The following CSNK1G3 variants were observed in gnomAD, a reference collection of about 807,000 sequenced individuals.
CSNK1G3 encodes casein kinase 1 gamma 3.
CSNK1G3 carries 23 observed loss-of-function variants against 64.3 expected under a neutral mutation model. The ratio of observed to expected loss-of-function variants is 0.36; its 90% CI spans 0.26 to 0.51. The LOEUF is 0.51. Ranked by LOEUF, CSNK1G3 falls within the 20% of genes least tolerant of loss-of-function variation. The pLI, the probability that CSNK1G3 is intolerant of heterozygous loss-of-function variation, is 0.96. For missense variants in CSNK1G3, 357 were observed against 510.5 expected, an observed-to-expected ratio of 0.70 and a Z score of 2.90; for synonymous variants, 158 against 162.2, an observed-to-expected ratio of 0.97 and a Z score of 0.20.
At chr5:123,594,804 C>T (rs1006754656) in intron 10 of CSNK1G3, among the ~76,000 whole-genome samples, 1 of 152,006 alleles carries the variant, frequency 6.6e-6, no homozygotes, top group Non-Finnish European at 1.5e-5. Flanking sequence ...AGTATTTTTA[C>T]TTCTAAAATT....
At chr5:123,614,278 A>T in intron 12 of CSNK1G3, 64 bp from the exon 14 acceptor site, 2 of 1,498,646 alleles carry the variant, frequency 1.3e-6, no homozygotes, top group Non-Finnish European at 1.8e-6. Context: ...AGTTAAAGTG[A>T]TACAGTCAAC....
intron 1 of CSNK1G3, among the ~76,000 whole-genome samples, chr5:123,531,382 A>C (rs1232089869): frequency 6.6e-6 from 1 of 151,986 alleles, no homozygotes; most frequent in Non-Finnish European, 1.5e-5. Flanking sequence ...TCAAGTCCTA[A>C]ATTATTGGGC....
intron 4 of CSNK1G3, 51 bp downstream of exon 4, chr5:123,557,615 CTT>C (rs767556990): frequency 1.7e-6 from 2 of 1,186,160 alleles, no homozygotes; most frequent in Non-Finnish European, 2.4e-6. Context: ...ATTGTCATGA[CTT>C]TTTAGTTTCA....
At chr5:123,557,605 A>T (rs113119893) in intron 4 of CSNK1G3, 41 bp downstream of exon 4, 54 of 1,292,050 alleles carry the variant, frequency 4.2e-5, no homozygotes, top group Non-Finnish European at 5.8e-5. Flanking sequence ...AATAAAGTGG[A>T]TTGTCATGAC....
chr5:123,574,824 T>G (rs963970829), intron 5 of CSNK1G3, among the ~76,000 whole-genome samples: 1 of 152,068 alleles, frequency 6.6e-6, no homozygotes, highest in Non-Finnish European at 1.5e-5. Context: ...ACCCTGTCCC[T>G]GCCCCCACAC....
At chr5:123,573,850 AT>A (rs35902791) in intron 5 of CSNK1G3, among the ~76,000 whole-genome samples, 297 of 140,198 alleles carry the variant, frequency 2.1e-3, no homozygotes, top group Middle Eastern at 7.1e-3. Flanking sequence ...AGAAACATAG[AT>A]TTTTTTTTTT....
chr5:123,582,224 G>A (rs1010647801), intron 6 of CSNK1G3, among the ~76,000 whole-genome samples: 1 of 152,090 alleles, frequency 6.6e-6, no homozygotes, highest in African/African-American at 2.4e-5. Context: ...TGAGATATAA[G>A]AGTAGAATTT....
At chr5:123,614,464 C>G in exon 13 of CSNK1G3, 5 of 1,373,654 alleles carry the variant, frequency 3.6e-6, no homozygotes, top group Non-Finnish European at 5.0e-6. Context: ...TTAAAATCAT[C>G]TCTGTAGTGA....
intron 10 of CSNK1G3, among the ~76,000 whole-genome samples, chr5:123,600,901 G>GA (rs1384670878): frequency 1.4e-5 from 2 of 141,930 alleles, no homozygotes; most frequent in Non-Finnish European, 3.0e-5. Context: ...GAGTCTAGTT[G>GA]CCTTTTTTTT....
chr5:123,524,627 C>T (rs1460523588), intron 1 of CSNK1G3, among the ~76,000 whole-genome samples: 1 of 152,002 alleles, frequency 6.6e-6, no homozygotes, highest in Non-Finnish European at 1.5e-5. Context: ...CATTTCTTTT[C>T]CTCTTCCTCC....
intron 10 of CSNK1G3, among the ~76,000 whole-genome samples, chr5:123,593,985 G>T (rs1030335391): frequency 6.6e-6 from 1 of 152,026 alleles, no homozygotes; most frequent in Non-Finnish European, 1.5e-5. Context: ...TTTAATTTTC[G>T]TAAGGAGCTA....
At chr5:123,579,693 T>C (rs1789884900) in intron 6 of CSNK1G3, among the ~76,000 whole-genome samples, 1 of 151,994 alleles carries the variant, frequency 6.6e-6, no homozygotes, top group Non-Finnish European at 1.5e-5. Flanking sequence ...TTTGTCATTG[T>C]TAGGAAAAGT....
At position 123,575,008 on chromosome 5, in the gene CSNK1G3, G is replaced by T. The variant is rs141262109; in HGVS notation, c.439-721G>T. ...GCCTGTGTAGCCATATGTTTACATT[G>T]CATTGTTAACCATGATTATCACTAA... On this transcript the variant is annotated intron_variant, in intron 5 of 12. Transcript: ENST00000345990. Among the ~76,000 whole-genome samples the T allele has an allele frequency of 8.5e-5, 13 of 152,082 alleles. 1 individual carries two copies. The highest frequency in any genetic ancestry group is 3.1e-4 in the African/African-American group (13 of 41,422).
At chr5:123,607,751 A>T (rs1042773536) in intron 12 of CSNK1G3, among the ~76,000 whole-genome samples, 2 of 152,136 alleles carry the variant, frequency 1.3e-5, no homozygotes, top group South Asian at 2.1e-4. Flanking sequence ...TGGTTGTTTT[A>T]AAAAAAGTAT....
intron 10 of CSNK1G3, among the ~76,000 whole-genome samples, chr5:123,593,104 A>G (rs1433410210): frequency 6.6e-6 from 1 of 151,802 alleles, no homozygotes; most frequent in Non-Finnish European, 1.5e-5. Context: ...TCTTTCAGAC[A>G]TGTCTTGCTA....
At chr5:123,590,314 G>A (rs1478361572) in intron 8 of CSNK1G3, 96 bp from the exon 9 acceptor site, 1 of 491,026 alleles carries the variant, frequency 2.0e-6, no homozygotes, top group East Asian at 3.7e-5. Flanking sequence ...TACTTTTCAA[G>A]TGTTTTTATA....
chr5:123,588,523 TG>T lies in CSNK1G3; in HGVS notation c.844+13del. 1 of 1,531,414 alleles carries T rather than the reference TG, an allele frequency of 6.5e-7. No homozygotes were observed. Among genetic ancestry groups the T allele is most frequent in the Non-Finnish European group, 9.0e-7 (1 of 1,105,190 alleles). 94.9% of individuals were successfully genotyped at this position (1,531,414 alleles called of 1,614,324 possible). On this transcript the variant is annotated intron_variant, in intron 8 of 12. Transcript: ENST00000345990. The stretch of plus-strand genomic sequence containing the variant: ...TGAAAATTTTCCAGGTAATGAATAA[TG>T]TGAGGTTGATACATTATATACAGAA...
intron 6 of CSNK1G3, among the ~76,000 whole-genome samples, chr5:123,583,754 C>A (rs192077484): frequency 6.6e-6 from 1 of 151,758 alleles, no homozygotes; most frequent in Non-Finnish European, 1.5e-5. Flanking sequence ...ACCATGGCTC[C>A]CTGCATTGTC....
intron 12 of CSNK1G3, among the ~76,000 whole-genome samples, chr5:123,611,017 T>C (rs1170603513): frequency 6.6e-6 from 1 of 152,164 alleles, no homozygotes; most frequent in Non-Finnish European, 1.5e-5. Context: ...TAGGAGTAAG[T>C]TATTACAGAA....
Sources: allele counts gnomAD v4.1 joint callset (sites outside exome capture counted in the v4.1 genomes callset), GRCh38; gene constraint gnomAD v4.1.1; transcripts MANE v1.5; gene names NCBI Gene and HGNC (gene_info 2026-07-23, HGNC 2026-07-21).